The following MCCC1 variants were observed in gnomAD, a reference collection of about 807,000 sequenced individuals.
The protein encoded by MCCC1 is methylcrotonyl-CoA carboxylase subunit 1.
A neutral mutation model predicts 83.8 loss-of-function variants in MCCC1; 64 were observed. That is an observed-to-expected ratio of 0.76 (90% CI 0.62 to 0.94). The LOEUF (loss-of-function observed/expected upper bound fraction) is 0.94, where lower values mean the gene tolerates loss of function less well. Among genes scored for constraint, MCCC1 ranks in the 40% least tolerant of loss-of-function variants. The pLI, the probability that MCCC1 is intolerant of heterozygous loss-of-function variation, is 0.00. For synonymous variants in MCCC1, 322 were observed against 315.4 expected (o/e 1.02, Z -0.22); for missense variants, 807 against 904.7 (o/e 0.89, Z 1.39).
At chr3:183,095,938 T>C (rs995841966) in intron 1 of MCCC1, among the ~76,000 whole-genome samples, 1 of 152,216 alleles carries the variant, frequency 6.6e-6, no homozygotes, top group African/African-American at 2.4e-5. Context: ...ATTTTTAAGT[T>C]TCGTGATACC....
chr3:183,113,957 T>G (rs530087719), intron 1 of MCCC1, among the ~76,000 whole-genome samples: 4 of 152,236 alleles, frequency 2.6e-5, no homozygotes, highest in African/African-American at 9.6e-5. Flanking sequence ...ATGCCCAACC[T>G]TGTTTTTTCC....
At chr3:183,066,411 TCTCGTGC>T (rs2108518757) in intron 7 of MCCC1, among the ~76,000 whole-genome samples, 1 of 152,302 alleles carries the variant, frequency 6.6e-6, no homozygotes, top group Admixed American at 6.5e-5. Flanking sequence ...TTCAAGTGAT[TCTCGTGC>T]CTCAGCCTCC....
chr3:183,084,111 C>A (rs898898603), intron 4 of MCCC1, among the ~76,000 whole-genome samples: 4 of 152,238 alleles, frequency 2.6e-5, no homozygotes, highest in African/African-American at 9.6e-5. Context: ...TTGCTATCTT[C>A]TACAGGCTGG....
At chr3:183,082,841 T>C (rs1289196486) in intron 4 of MCCC1, among the ~76,000 whole-genome samples, 1 of 152,170 alleles carries the variant, frequency 6.6e-6, no homozygotes, top group African/African-American at 2.4e-5. Flanking sequence ...AAAAATTAGC[T>C]GGGCATAGTG....
intron 11 of MCCC1, among the ~76,000 whole-genome samples, chr3:183,040,098 G>GAAAAAAA (rs57389038): frequency 5.8e-5 from 2 of 34,594 alleles, no homozygotes; most frequent in African/African-American, 1.0e-4. Flanking sequence ...CTCCATCTCA[G>GAAAAAAA]AAAAAAAAAA....
chr3:183,070,895 ATATACT>A (rs1560256378), intron 7 of MCCC1, 98 bp downstream of exon 7: 4 of 1,299,354 alleles, frequency 3.1e-6, no homozygotes, highest in Non-Finnish European at 3.2e-6. Context: ...ACTTGTAATA[ATATACT>A]TATATACTAC....
intron 14 of MCCC1, among the ~76,000 whole-genome samples, chr3:183,027,305 C>T (rs945655790): frequency 2.0e-5 from 3 of 152,158 alleles, no homozygotes; most frequent in Non-Finnish European, 4.4e-5. Context: ...ATTAATAACC[C>T]TACAATGGCC....
intron 4 of MCCC1, among the ~76,000 whole-genome samples, chr3:183,081,588 G>A (rs1013697298): frequency 2.0e-5 from 3 of 152,194 alleles, no homozygotes; most frequent in Non-Finnish European, 4.4e-5. Flanking sequence ...TTATTACCAA[G>A]TGTAAGGTAC....
chr3:183,083,247 T>C (rs1476349189), intron 4 of MCCC1, among the ~76,000 whole-genome samples: 1 of 152,220 alleles, frequency 6.6e-6, no homozygotes, highest in Non-Finnish European at 1.5e-5. Context: ...AAAGGAAGGT[T>C]TGCTCTCCTA....
At chr3:183,102,777 T>G (rs1201627229), upstream of MCCC1, among the ~76,000 whole-genome samples, 90 of 99,852 alleles carry the variant, frequency 9.0e-4, 5 homozygotes, top group African/African-American at 4.0e-3. Flanking sequence ...TTTTTTTTTT[T>G]TTTTTTTTTT....
rs753835386 is a variant in MCCC1, at chr3:183,099,394, C to G, written c.47G>C (p.Arg16Thr). The change falls in exon 1 of 19, where the codon AGG (arginine) becomes ACG (threonine). Residue 16 changes from arginine to threonine, a missense_variant. Arg to Thr is a moderately conservative substitution (Grantham distance 71). Transcript: ENST00000265594. The stretch of plus-strand genomic sequence containing the variant: ...GCTCGGGAGACGATGCCACCGGTTC[C>G]TCTCCGCCGCCACCAGCAGCACCGA... ...AVSVLLVAAE[R>T]NRWHRLPSLL... 1.2e-5 allele frequency: 19 copies of G among 1,605,342 alleles called. No homozygotes were observed. Among genetic ancestry groups the G allele is most frequent in the African/African-American group, 2.7e-5 (2 of 74,732 alleles).
chr3:183,081,605 G>A (rs1717501137), intron 4 of MCCC1, among the ~76,000 whole-genome samples: 1 of 152,214 alleles, frequency 6.6e-6, no homozygotes, highest in African/African-American at 2.4e-5. Context: ...GTACATAGAT[G>A]TGCTTTGGTC....
chr3:183,032,740 G>C (rs1406445092), intron 14 of MCCC1, among the ~76,000 whole-genome samples: 1 of 152,080 alleles, frequency 6.6e-6, no homozygotes, highest in Non-Finnish European at 1.5e-5. Context: ...CGGGCGTGGT[G>C]GTGGGTGCCT....
chr3:183,068,947 G>C (rs1716450945), intron 7 of MCCC1, among the ~76,000 whole-genome samples: 1 of 152,150 alleles, frequency 6.6e-6, no homozygotes, highest in South Asian at 2.1e-4. Flanking sequence ...TATGATGTGT[G>C]CACAACAATG....
At chr3:183,024,702 T>A (rs1167312750) in intron 15 of MCCC1, among the ~76,000 whole-genome samples, 1 of 152,080 alleles carries the variant, frequency 6.6e-6, no homozygotes, top group Non-Finnish European at 1.5e-5. Flanking sequence ...TTGATGGGAC[T>A]GTAAACTGCT....
At position 183,034,088 on chromosome 3, in the gene MCCC1, T is replaced by A. The variant is rs777489354; in HGVS notation, c.1595-11A>T. ...ATGGAGAGAATTGATCTAGAAAAAA[T>A]TTAAAATTCAGTAACAAACTTATGA... is the stretch of plus-strand genomic sequence containing the variant. On this transcript the variant is annotated splice_polypyrimidine_tract_variant and intron_variant, in intron 13 of 18. Coordinates refer to ENST00000265594, the MANE Select transcript of MCCC1 (RefSeq NM_020166.5). 1 of 1,580,174 alleles carries A rather than the reference T, an allele frequency of 6.3e-7. No homozygotes were observed. Among genetic ancestry groups the A allele is most frequent in the Non-Finnish European group, 8.7e-7 (1 of 1,151,436 alleles).
chr3:183,103,959 C>T (rs1461862380), upstream of MCCC1, among the ~76,000 whole-genome samples: 1 of 152,166 alleles, frequency 6.6e-6, no homozygotes, highest in East Asian at 1.9e-4. Flanking sequence ...GCTGGGGGAC[C>T]CAGTACACCC....
At chr3:183,110,748 C>G (rs1471651933) in intron 1 of MCCC1, among the ~76,000 whole-genome samples, 1 of 152,134 alleles carries the variant, frequency 6.6e-6, no homozygotes, top group Non-Finnish European at 1.5e-5. Context: ...TCTAGGTATT[C>G]TTCTAGGACT....
chr3:183,033,108 T>TCTCA (rs1164837676), intron 14 of MCCC1, among the ~76,000 whole-genome samples: 4 of 152,142 alleles, frequency 2.6e-5, no homozygotes, highest in Non-Finnish European at 2.9e-5. Flanking sequence ...ACACAAACTG[T>TCTCA]CTCACAGCAG....
Sources: allele counts gnomAD v4.1 joint callset (sites outside exome capture counted in the v4.1 genomes callset), GRCh38; gene constraint gnomAD v4.1.1; transcripts MANE v1.5; gene names NCBI Gene and HGNC (gene_info 2026-07-23, HGNC 2026-07-21).